Variants in IRAK2 observed in about 807,000 individuals in gnomAD.
The protein encoded by IRAK2 is interleukin 1 receptor associated kinase 2, also known as interleukin-1 receptor-associated kinase-like 2.
In IRAK2, 57 loss-of-function variants were observed where a neutral mutation model predicts 72.0. The observed-to-expected ratio is 0.79, with a 90% CI of 0.64 to 0.99. The LOEUF (loss-of-function observed/expected upper bound fraction) is 0.99, where lower values mean the gene tolerates loss of function less well. Ranked by LOEUF, IRAK2 falls within the 50% of genes least tolerant of loss-of-function variation. The pLI is 0.00. For synonymous variants in IRAK2, 293 were observed against 312.7 expected (o/e 0.94, Z 0.67); for missense variants, 790 against 794.4 (o/e 0.99, Z 0.07).
intron 4 of IRAK2, 56 bp downstream of exon 4, chr3:10,209,748 C>T (rs954048684): frequency 4.0e-5 from 45 of 1,125,046 alleles, no homozygotes; most frequent in Non-Finnish European, 5.0e-5. Flanking sequence ...GTGTAGTTCC[C>T]TCTCAAAAAT....
At position 10,239,032 on chromosome 3, in the gene IRAK2, C is replaced by T; in HGVS notation, c.1758C>T (p.Pro586=). Reference sequence around the variant, plus strand: ...AGGCCTGTGTTGGCCTGGAGCCTCCCCAGGATGGTAAGCCGGAAGTCAGAG... The same window carrying T: ...AGGCCTGTGTTGGCCTGGAGCCTCCTCAGGATGGTAAGCCGGAAGTCAGAG... ...SSEACVGLEP[P]QDVTETSWQI... is the part of the protein sequence containing the mutation. Residue 586 remains proline, a synonymous_variant, in exon 12 of 13, where the codon CCC becomes CCT. Transcript: ENST00000256458. The T allele has an allele frequency of 1.3e-6, 2 of 1,591,834 alleles. No homozygotes were observed. The highest frequency in any genetic ancestry group is 1.7e-6 in the Non-Finnish European group (2 of 1,168,540).
chr3:10,165,155 C>G, intron 1 of IRAK2, 107 bp downstream of exon 1: 3 of 948,300 alleles, frequency 3.2e-6, no homozygotes, highest in Non-Finnish European at 4.8e-6. Flanking sequence ...CAGCGGGTCC[C>G]GATCCGAGGG....
At chr3:10,165,878 C>G (rs565069158) in intron 1 of IRAK2, among the ~76,000 whole-genome samples, 1 of 152,034 alleles carries the variant, frequency 6.6e-6, no homozygotes, top group Non-Finnish European at 1.5e-5. Context: ...CTACAGGCGC[C>G]CGCCACCACG....
At chr3:10,211,497 A>C (rs1008227518) in intron 4 of IRAK2, among the ~76,000 whole-genome samples, 1 of 152,128 alleles carries the variant, frequency 6.6e-6, no homozygotes, top group African/African-American at 2.4e-5. Flanking sequence ...ACACACCTGT[A>C]GTCCCAGCTA....
intron 3 of IRAK2, 82 bp downstream of exon 3, chr3:10,200,597 A>C: frequency 9.6e-6 from 12 of 1,255,482 alleles, no homozygotes; most frequent in Non-Finnish European, 1.2e-5. Context: ...TCAGCTTAGC[A>C]TATAAGAGCA....
At chr3:10,197,877 T>C (rs1289335205) in intron 2 of IRAK2, among the ~76,000 whole-genome samples, 17 of 131,314 alleles carry the variant, frequency 1.3e-4, no homozygotes, top group African/African-American at 4.9e-4. Flanking sequence ...TTATTTAAAA[T>C]ATCAGTGACA....
chr3:10,240,542 C>G (rs1288500642), intron 12 of IRAK2, among the ~76,000 whole-genome samples: 1 of 16,902 alleles, frequency 5.9e-5, no homozygotes, highest in Admixed American at 5.5e-4. Flanking sequence ...AGGAAGCCCC[C>G]CCCCCCCCCC....
intron 9 of IRAK2, among the ~76,000 whole-genome samples, chr3:10,224,373 T>C (rs3844284): frequency 0.35 from 52,630 of 150,570 alleles, 9,754 homozygotes; most frequent in Admixed American, 0.43. Flanking sequence ...ACCAGGGGGA[T>C]AGAACCCCTA....
At chr3:10,208,108 CG>C (rs1307333064) in intron 3 of IRAK2, among the ~76,000 whole-genome samples, 1 of 150,880 alleles carries the variant, frequency 6.6e-6, no homozygotes, top group Admixed American at 6.6e-5. Flanking sequence ...CCTCGGTGGG[CG>C]CAGGCACAGA....
intron 10 of IRAK2, among the ~76,000 whole-genome samples, chr3:10,227,440 C>A (rs1209371206): frequency 6.6e-6 from 1 of 151,718 alleles, no homozygotes; most frequent in African/African-American, 2.4e-5. Flanking sequence ...AGAGTGAGAC[C>A]CTCTCTCAAA....
chr3:10,178,482 A>C (rs1270195551), intron 2 of IRAK2, among the ~76,000 whole-genome samples: 1 of 151,966 alleles, frequency 6.6e-6, no homozygotes, highest in East Asian at 1.9e-4. Context: ...AGAAACAAAA[A>C]AAAGAAACTG....
chr3:10,189,640 C>T (rs1407544103), intron 2 of IRAK2, among the ~76,000 whole-genome samples: 1 of 152,236 alleles, frequency 6.6e-6, no homozygotes, highest in Non-Finnish European at 1.5e-5. Context: ...CAACTCTTGA[C>T]AGTTTCTAAC....
chr3:10,230,132 A>G (rs1697836867), intron 10 of IRAK2, among the ~76,000 whole-genome samples: 1 of 152,134 alleles, frequency 6.6e-6, no homozygotes, highest in Non-Finnish European at 1.5e-5. Context: ...AAAGACATGT[A>G]TGTTCTGACA....
intron 10 of IRAK2, among the ~76,000 whole-genome samples, chr3:10,230,449 G>C (rs1697841687): frequency 6.6e-6 from 1 of 152,030 alleles, no homozygotes; most frequent in Admixed American, 6.6e-5. Context: ...TAGCCTCCCG[G>C]GTAGCTGGGA....
At chr3:10,221,413 C>G (rs572121040) in intron 8 of IRAK2, among the ~76,000 whole-genome samples, 1 of 151,226 alleles carries the variant, frequency 6.6e-6, no homozygotes, top group Non-Finnish European at 1.5e-5. Flanking sequence ...GCCACCATGC[C>G]CGGCTAACTT....
intron 10 of IRAK2, among the ~76,000 whole-genome samples, chr3:10,227,403 G>A (rs961624054): frequency 2.7e-5 from 4 of 150,132 alleles, no homozygotes; most frequent in Admixed American, 2.7e-4. Context: ...AGCCAAGATT[G>A]CACCACTGCA....
chr3:10,171,064 A>G (rs1362435811), intron 1 of IRAK2, among the ~76,000 whole-genome samples: 1 of 152,182 alleles, frequency 6.6e-6, no homozygotes, highest in Non-Finnish European at 1.5e-5. Context: ...CAGATCCGAC[A>G]CTTGTTGGCA....
At chr3:10,221,733 C>T (rs1357079471) in intron 8 of IRAK2, among the ~76,000 whole-genome samples, 1 of 152,026 alleles carries the variant, frequency 6.6e-6, no homozygotes, top group Admixed American at 6.6e-5. Flanking sequence ...TGCCATGCTG[C>T]CCATGCTGGT....
intron 10 of IRAK2, 53 bp downstream of exon 10, chr3:10,226,486 T>C (rs1575986382): frequency 2.8e-6 from 4 of 1,448,238 alleles, no homozygotes; most frequent in Middle Eastern, 3.5e-4. Context: ...CTCACAGCTC[T>C]GTAGAGAGGG....
Sources: gnomAD v4.1 joint callset for allele counts (sites outside exome capture counted in the v4.1 genomes callset) on GRCh38, gnomAD v4.1.1 for gene constraint, MANE v1.5 for transcripts, NCBI Gene and HGNC (gene_info 2026-07-23, HGNC 2026-07-21) for gene names.